Variants in CACNA1C observed in about 807,000 individuals in gnomAD.
CACNA1C encodes the protein calcium voltage-gated channel subunit alpha1 C.
Under a neutral mutation model 229.0 loss-of-function variants are expected in CACNA1C, and 30 were observed. The observed-to-expected ratio is 0.13, with a 90% CI of 0.10 to 0.18. The LOEUF is 0.18. CACNA1C is among the 10% of genes least tolerant of loss of function. CACNA1C has a pLI of 1.00. For missense variants in CACNA1C, 1,658 were observed against 2,845.0 expected, an observed-to-expected ratio of 0.58 and a Z score of 9.49; for synonymous variants, 1,114 against 1,132.5, an observed-to-expected ratio of 0.98 and a Z score of 0.33.
At chr12:2,218,399 C>T (rs894258605) in intron 3 of CACNA1C, among the ~76,000 whole-genome samples, 2 of 152,176 alleles carry the variant, frequency 1.3e-5, no homozygotes, top group African/African-American at 4.8e-5. Flanking sequence ...CCATATTCTG[C>T]AGGAGTTTGG....
intron 1 of CACNA1C, among the ~76,000 whole-genome samples, chr12:2,032,958 G>T (rs959737673): frequency 3.1e-4 from 47 of 152,180 alleles, no homozygotes; most frequent in African/African-American, 1.1e-3. Context: ...GCTTGCTTTC[G>T]AGGGGACTTC....
chr12:2,007,561 T>A (rs913847611), intron 1 of CACNA1C, among the ~76,000 whole-genome samples: 26 of 152,246 alleles, frequency 1.7e-4, no homozygotes, highest in African/African-American at 6.0e-4. Flanking sequence ...CAGTCTTTGA[T>A]CTCACTGATG....
At chr12:2,603,838 C>G (rs1040750071) in intron 22 of CACNA1C, 1 of 152,202 alleles carries the variant, frequency 6.6e-6, no homozygotes, top group Non-Finnish European at 1.5e-5. Context: ...TACACAGAGC[C>G]TATAGAATGC....
At chr12:2,438,395 A>G (rs897874384) in intron 3 of CACNA1C, among the ~76,000 whole-genome samples, 39 of 63,162 alleles carry the variant, frequency 6.2e-4, no homozygotes, top group Admixed American at 2.8e-3. Context: ...CATGGTAGTC[A>G]TGGTGGTGGT....
intron 1 of CACNA1C, among the ~76,000 whole-genome samples, chr12:2,071,969 A>T (rs2061497401): frequency 6.6e-6 from 1 of 152,180 alleles, no homozygotes; most frequent in Non-Finnish European, 1.5e-5. Context: ...CACTAATAAT[A>T]CTTTACTACC....
chr12:2,412,765 G>A (rs544001915), intron 3 of CACNA1C, among the ~76,000 whole-genome samples: 26 of 152,262 alleles, frequency 1.7e-4, no homozygotes, highest in African/African-American at 5.8e-4. Flanking sequence ...GAAATCAGGA[G>A]GAAGGGGCTA....
At chr12:2,466,555 A>T (rs1334167935) in intron 5 of CACNA1C, among the ~76,000 whole-genome samples, 1 of 152,080 alleles carries the variant, frequency 6.6e-6, no homozygotes, top group East Asian at 1.9e-4. Context: ...TTCACTCCCC[A>T]TCCCTTGCTT....
intron 9 of CACNA1C, 49 bp from the exon 10 acceptor site, chr12:2,549,894 T>C: frequency 7.3e-7 from 1 of 1,364,454 alleles, no homozygotes; most frequent in Non-Finnish European, 1.0e-6. Context: ...TCTGTTCCCT[T>C]GTCTCCCCAC....
At chr12:1,990,432 A>C (rs933857351) in intron 1 of CACNA1C, among the ~76,000 whole-genome samples, 2 of 152,208 alleles carry the variant, frequency 1.3e-5, no homozygotes, top group Non-Finnish European at 2.9e-5. Flanking sequence ...TGTTTGAATG[A>C]AGTTACTCTA....
chr12:2,572,632 C>T (rs1698762574), intron 13 of CACNA1C, among the ~76,000 whole-genome samples: 1 of 140,872 alleles, frequency 7.1e-6, no homozygotes, highest in Admixed American at 7.2e-5. Flanking sequence ...TCCTCCTCTC[C>T]TCCTCCTTCT....
intron 43 of CACNA1C, 98 bp downstream of exon 43, chr12:2,682,776 G>A: frequency 2.5e-6 from 3 of 1,185,086 alleles, no homozygotes; most frequent in Admixed American, 3.0e-5. Context: ...GGGGCTGATT[G>A]CAGGAGGAGA....
chr12:1,973,945 T>C (rs77364598), intron 1 of CACNA1C, among the ~76,000 whole-genome samples: 1 of 152,316 alleles, frequency 6.6e-6, no homozygotes, highest in East Asian at 1.9e-4. Flanking sequence ...GCTTTCTCAC[T>C]CCTCTAGGAA....
chr12:2,505,774 C>A (rs2099770296), intron 8 of CACNA1C, among the ~76,000 whole-genome samples: 1 of 152,156 alleles, frequency 6.6e-6, no homozygotes, highest in African/African-American at 2.4e-5. Context: ...TCCACACCAG[C>A]CATGCCAAGG....
At chr12:2,072,446 C>T (rs866203872) in intron 1 of CACNA1C, among the ~76,000 whole-genome samples, 6 of 152,050 alleles carry the variant, frequency 3.9e-5, no homozygotes, top group Non-Finnish European at 7.4e-5. Flanking sequence ...GCAATCCGCC[C>T]GCCTCGGCCT....
chr12:1,982,190 T>A (rs1305899714), intron 1 of CACNA1C, among the ~76,000 whole-genome samples: 1 of 152,154 alleles, frequency 6.6e-6, no homozygotes, highest in Non-Finnish European at 1.5e-5. Flanking sequence ...CTGGATTCAA[T>A]TTGCTAGTAT....
intron 4 of CACNA1C, among the ~76,000 whole-genome samples, chr12:2,453,822 C>G (rs998640896): frequency 3.9e-5 from 6 of 152,232 alleles, no homozygotes; most frequent in African/African-American, 1.2e-4. Context: ...TGCCCAGCAG[C>G]AGGACAAGAG....
Position 2,512,117 on chromosome 12 carries a change from A to G in CACNA1C, c.1218-695A>G, listed in dbSNP as rs781766627. Among the ~76,000 whole-genome samples the G allele has an allele frequency of 1.9e-4, 29 of 152,314 alleles. No homozygotes were observed. Among genetic ancestry groups the G allele is most frequent in the Non-Finnish European group, 4.0e-4 (27 of 68,038 alleles). ...CGTCATAAGAATAGAGATTGAGGAC[A>G]TTAAATCTCCTGGGTCCCAAATCAG... is the stretch of plus-strand genomic sequence containing the variant. On this transcript the variant is annotated intron_variant, in intron 8 of 46. Coordinates refer to ENST00000399655, the MANE Select transcript of CACNA1C (RefSeq NM_000719.7). The surrounding 1 kb of genome is among the most constrained non-coding windows in gnomAD (Gnocchi z 4.3).
chr12:2,101,415 G>T (rs1330527502), intron 1 of CACNA1C, among the ~76,000 whole-genome samples: 1 of 152,224 alleles, frequency 6.6e-6, no homozygotes, highest in Non-Finnish European at 1.5e-5. Flanking sequence ...AAGTGCAGGA[G>T]GCTCTAGGAG....
intron 3 of CACNA1C, among the ~76,000 whole-genome samples, chr12:2,129,340 G>T (rs1323409159): frequency 6.6e-6 from 1 of 152,162 alleles, no homozygotes. Flanking sequence ...TGGGGCAATT[G>T]TTTGACTCAG....
Sources: gnomAD v4.1 joint callset for allele counts (sites outside exome capture counted in the v4.1 genomes callset) on GRCh38, gnomAD v4.1.1 for gene constraint, Gnocchi (gnomAD v3.1) non-coding constraint, MANE v1.5 for transcripts, NCBI Gene and HGNC (gene_info 2026-07-23, HGNC 2026-07-21) for gene names.